The following AGBL4 variants were observed in gnomAD, a reference collection of about 807,000 sequenced individuals.
AGBL4 encodes cytosolic carboxypeptidase 6.
In AGBL4, 58 loss-of-function variants were observed where a neutral mutation model predicts 66.4. The ratio of observed to expected loss-of-function variants is 0.87; its 90% CI spans 0.71 to 1.09. AGBL4 has a LOEUF of 1.09. Ranked by LOEUF, AGBL4 falls within the 50% of genes least tolerant of loss-of-function variation. AGBL4 has a pLI of 0.00. For synonymous variants in AGBL4, 234 were observed against 222.9 expected (o/e 1.05, Z -0.44); for missense variants, 579 against 631.0 (o/e 0.92, Z 0.88).
chr1:48,824,553 G>C (rs1437112914), intron 6 of AGBL4, among the ~76,000 whole-genome samples: 1 of 152,186 alleles, frequency 6.6e-6, no homozygotes, highest in African/African-American at 2.4e-5. Flanking sequence ...GGCTTTATTA[G>C]CTCTAGTGAG....
At chr1:49,115,117 C>G (rs1342479177) in intron 4 of AGBL4, among the ~76,000 whole-genome samples, 1 of 152,014 alleles carries the variant, frequency 6.6e-6, no homozygotes, top group Non-Finnish European at 1.5e-5. Flanking sequence ...AAGCAAAATG[C>G]TATAAAATGA....
At chr1:48,532,380 G>A (rs76375271), downstream of AGBL4, among the ~76,000 whole-genome samples, 4,154 of 152,282 alleles carry the variant, frequency 0.027, 209 homozygotes, top group African/African-American at 0.095. Context: ...AGTAGGGTTT[G>A]AATGCAGAAT....
intron 5 of AGBL4, among the ~76,000 whole-genome samples, chr1:49,019,513 T>C (rs141995137): frequency 9.6e-4 from 146 of 152,284 alleles, no homozygotes; most frequent in African/African-American, 3.4e-3. Context: ...GGAGCCAAGA[T>C]TGTCAAATGT....
intron 3 of AGBL4, among the ~76,000 whole-genome samples, chr1:49,302,595 A>T (rs867209792): frequency 1.0e-4 from 12 of 118,196 alleles, no homozygotes; most frequent in Non-Finnish European, 1.7e-4. Flanking sequence ...TTTATTTTAT[A>T]TTTTATTTTA....
intron 6 of AGBL4, among the ~76,000 whole-genome samples, chr1:48,862,330 T>C (rs1186644212): frequency 1.3e-5 from 2 of 152,180 alleles, no homozygotes; most frequent in African/African-American, 4.8e-5. Flanking sequence ...AAAAGTCACT[T>C]TAAAAAATTT....
At chr1:48,972,299 CA>C (rs1490183618) in intron 5 of AGBL4, among the ~76,000 whole-genome samples, 1 of 152,014 alleles carries the variant, frequency 6.6e-6, no homozygotes, top group Non-Finnish European at 1.5e-5. Flanking sequence ...TCTTCTCATA[CA>C]GTAATTATAA....
chr1:48,587,988 C>T (rs1334826249), intron 10 of AGBL4, among the ~76,000 whole-genome samples: 1 of 152,118 alleles, frequency 6.6e-6, no homozygotes, highest in African/African-American at 2.4e-5. Flanking sequence ...TTGGGCAGTG[C>T]TTTCAATTGT....
At chr1:49,449,617 C>G (rs1646233901) in intron 3 of AGBL4, among the ~76,000 whole-genome samples, 1 of 151,922 alleles carries the variant, frequency 6.6e-6, no homozygotes, top group Non-Finnish European at 1.5e-5. Flanking sequence ...CCCCAGATAA[C>G]TTTTCTGGGA....
chr1:49,638,330 A>G (rs1169587579), intron 3 of AGBL4, among the ~76,000 whole-genome samples: 2 of 152,228 alleles, frequency 1.3e-5, no homozygotes, highest in Non-Finnish European at 2.9e-5. Context: ...ATCTGTTGAT[A>G]GTGGTTCTGA....
intron 3 of AGBL4, among the ~76,000 whole-genome samples, chr1:49,494,762 T>C (rs1194047647): frequency 6.6e-6 from 1 of 152,036 alleles, no homozygotes; most frequent in Non-Finnish European, 1.5e-5. Context: ...TATAGCAGCA[T>C]GATTTATAGT....
At chr1:49,690,860 A>G (rs527881110) in intron 3 of AGBL4, among the ~76,000 whole-genome samples, 7 of 152,190 alleles carry the variant, frequency 4.6e-5, no homozygotes, top group Non-Finnish European at 7.3e-5. Context: ...CATCAACGCT[A>G]TTAGGTACTA....
chr1:49,674,239 A>C (rs191179836), intron 3 of AGBL4, among the ~76,000 whole-genome samples: 1 of 151,918 alleles, frequency 6.6e-6, no homozygotes, highest in Non-Finnish European at 1.5e-5. Context: ...TTCTCATCCA[A>C]CTCTTTTGCT....
intron 5 of AGBL4, among the ~76,000 whole-genome samples, chr1:48,919,423 G>T (rs1216738451): frequency 6.6e-6 from 1 of 152,112 alleles, no homozygotes; most frequent in Non-Finnish European, 1.5e-5. Flanking sequence ...TATACACATT[G>T]CCTGATTTAT....
chr1:48,679,194 G>A lies in AGBL4; in HGVS notation c.635-15953C>T, dbSNP rs141506336. ...TTAGGGTAACATTTGTACAGATTGT[G>A]GAAAGAATGTAAGAGAATCAGAAGG... On this transcript the variant is annotated intron_variant, in intron 6 of 13. Transcript: ENST00000371839. Among the ~76,000 whole-genome samples, 8 of 152,310 alleles carry A rather than the reference G, an allele frequency of 5.3e-5. No homozygotes were observed. In the East Asian group the frequency reaches 1.2e-3, roughly 22 times the overall value.
At chr1:49,536,827 G>A (rs1651623963) in intron 3 of AGBL4, among the ~76,000 whole-genome samples, 2 of 152,068 alleles carry the variant, frequency 1.3e-5, no homozygotes, top group Middle Eastern at 3.2e-3. Flanking sequence ...TGGCCAACAT[G>A]GCAAAACCCC....
chr1:49,015,655 A>G (rs1571236370), intron 5 of AGBL4, among the ~76,000 whole-genome samples: 1 of 151,538 alleles, frequency 6.6e-6, no homozygotes, highest in Non-Finnish European at 1.5e-5. Context: ...CGATCTCCTG[A>G]CCTCGTGATC....
chr1:49,783,821 A>G (rs1262952552), intron 2 of AGBL4, among the ~76,000 whole-genome samples: 1 of 152,164 alleles, frequency 6.6e-6, no homozygotes, highest in Non-Finnish European at 1.5e-5. Flanking sequence ...GGATATATCA[A>G]CACACCAAAA....
intron 2 of AGBL4, among the ~76,000 whole-genome samples, chr1:49,834,959 T>C (rs1645806648): frequency 6.6e-6 from 1 of 152,240 alleles, no homozygotes; most frequent in South Asian, 2.1e-4. Context: ...ATTTCCATTC[T>C]TTTGCATTTG....
rs557010259 is a variant in AGBL4, at chr1:49,377,744, G to A, written c.283-131880C>T. Among the ~76,000 whole-genome samples the A allele has an allele frequency of 1.1e-4, 17 of 152,146 alleles. 1 individual carries two copies. The South Asian group carries it at 2.1e-3, about 19-fold the overall frequency. On this transcript the variant is annotated intron_variant, in intron 3 of 13. Coordinates refer to ENST00000371839, the MANE Select transcript of AGBL4 (RefSeq NM_032785.4). ...AGAAGCAATGCAAAGAGGGCCAGGC[G>A]CATACAGCATGAATTTCGTTACTGG...
Sources: allele counts gnomAD v4.1 joint callset (sites outside exome capture counted in the v4.1 genomes callset), GRCh38; gene constraint gnomAD v4.1.1; transcripts MANE v1.5; gene names NCBI Gene and HGNC (gene_info 2026-07-23, HGNC 2026-07-21).